The following RBFOX1 variants were observed in gnomAD, a reference collection of about 807,000 sequenced individuals.
The protein encoded by RBFOX1 is RNA binding protein fox-1 homolog 1.
RBFOX1 carries 8 observed loss-of-function variants against 57.7 expected under a neutral mutation model. The ratio of observed to expected loss-of-function variants is 0.14; its 90% CI spans 0.08 to 0.25. RBFOX1 has a LOEUF of 0.25. Ranked by LOEUF, RBFOX1 falls within the 10% of genes least tolerant of loss-of-function variation. RBFOX1 has a pLI of 1.00. For synonymous variants in RBFOX1, 326 were observed against 222.4 expected, an observed-to-expected ratio of 1.47 and a Z score of -4.15; for missense variants, 611 against 548.5, an observed-to-expected ratio of 1.11 and a Z score of -1.14.
chr16:6,381,172 T>C (rs1596371410), intron 2 of RBFOX1, among the ~76,000 whole-genome samples: 2 of 152,282 alleles, frequency 1.3e-5, no homozygotes, highest in East Asian at 3.9e-4. Context: ...ACATTTTCAT[T>C]TTTGTTGCAT....
At chr16:7,486,586 G>C (rs2065458226) in intron 4 of RBFOX1, among the ~76,000 whole-genome samples, 1 of 152,148 alleles carries the variant, frequency 6.6e-6, no homozygotes. Flanking sequence ...TTCAGGGGAA[G>C]GCGAGCAAAG....
At chr16:7,040,784 T>G (rs35515331) in intron 3 of RBFOX1, among the ~76,000 whole-genome samples, 1 of 152,204 alleles carries the variant, frequency 6.6e-6, no homozygotes, top group Admixed American at 6.5e-5. Context: ...CCTGAAATCA[T>G]TCATTTTCTA....
chr16:6,942,602 G>C (rs138925040), intron 3 of RBFOX1, among the ~76,000 whole-genome samples: 1 of 152,168 alleles, frequency 6.6e-6, no homozygotes, highest in African/African-American at 2.4e-5. Context: ...GATCAAGACA[G>C]AGTGGACTTT....
At chr16:7,432,173 G>A (rs2149615567) in intron 4 of RBFOX1, among the ~76,000 whole-genome samples, 1 of 152,330 alleles carries the variant, frequency 6.6e-6, no homozygotes, top group East Asian at 1.9e-4. Flanking sequence ...GGCACCCAGA[G>A]CTTTTGCCTG....
At chr16:7,586,362 C>T (rs369046477) in intron 6 of RBFOX1, among the ~76,000 whole-genome samples, 8 of 152,232 alleles carry the variant, frequency 5.3e-5, no homozygotes, top group African/African-American at 1.4e-4. Context: ...GTTCTAGAGC[C>T]CATACTTCCT....
chr16:6,209,588 A>G (rs542666959), intron 1 of RBFOX1, among the ~76,000 whole-genome samples: 15 of 152,350 alleles, frequency 9.8e-5, no homozygotes, highest in African/African-American at 3.4e-4. Context: ...GAATGAATGA[A>G]TCCACCAATT....
intron 4 of RBFOX1, among the ~76,000 whole-genome samples, chr16:5,910,193 C>T (rs757698391): frequency 1.1e-4 from 17 of 152,224 alleles, no homozygotes; most frequent in Middle Eastern, 6.8e-3. Context: ...AGAATGGTCA[C>T]CAAAGGTTCT....
intron 1 of RBFOX1, among the ~76,000 whole-genome samples, chr16:5,443,608 G>A (rs2068152478): frequency 6.6e-6 from 1 of 152,142 alleles, no homozygotes; most frequent in Non-Finnish European, 1.5e-5. Context: ...CCAAAGTAGT[G>A]GGATTACAGG....
intron 2 of RBFOX1, among the ~76,000 whole-genome samples, chr16:6,647,392 C>T (rs1602606554): frequency 6.6e-6 from 1 of 152,106 alleles, no homozygotes; most frequent in African/African-American, 2.4e-5. Context: ...TTATAGATGC[C>T]CACCACCATG....
chr16:6,525,090 A>C (rs184999773), intron 2 of RBFOX1, among the ~76,000 whole-genome samples: 39 of 152,262 alleles, frequency 2.6e-4, no homozygotes, highest in African/African-American at 8.9e-4. Context: ...CCTCCACCTA[A>C]ATTATCAACA....
chr16:6,710,053 G>A (rs982456153), intron 3 of RBFOX1, among the ~76,000 whole-genome samples: 1 of 152,178 alleles, frequency 6.6e-6, no homozygotes, highest in African/African-American at 2.4e-5. Flanking sequence ...AGATGGGACA[G>A]TGTTGCAAGA....
At chr16:5,694,067 T>G (rs73516385) in intron 3 of RBFOX1, among the ~76,000 whole-genome samples, 5,112 of 152,272 alleles carry the variant, frequency 0.034, 268 homozygotes, top group African/African-American at 0.12. Context: ...CAGCTCTCAT[T>G]TTGCCTCAGA....
At chr16:7,012,733 C>G (rs1051888950) in intron 3 of RBFOX1, among the ~76,000 whole-genome samples, 1 of 152,190 alleles carries the variant, frequency 6.6e-6, no homozygotes, top group Admixed American at 6.5e-5. Flanking sequence ...TGTTGGGAAG[C>G]TGTGCACACT....
At chr16:5,456,031 GA>G (rs150165659) in intron 1 of RBFOX1, among the ~76,000 whole-genome samples, 5,852 of 151,344 alleles carry the variant, frequency 0.039, 337 homozygotes, top group African/African-American at 0.12. Context: ...TGTGCAATGT[GA>G]AAAAAATTGG....
At chr16:5,924,507 C>T (rs751451175) in intron 4 of RBFOX1, among the ~76,000 whole-genome samples, 2 of 152,082 alleles carry the variant, frequency 1.3e-5, no homozygotes, top group Non-Finnish European at 2.9e-5. Context: ...GAGCCTGGCA[C>T]CTTCTCCCTC....
At chr16:5,566,458 G>A (rs561034186) in intron 2 of RBFOX1, among the ~76,000 whole-genome samples, 1 of 152,240 alleles carries the variant, frequency 6.6e-6, no homozygotes, top group South Asian at 2.1e-4. Context: ...GGAGTTTAAT[G>A]TGTAGAACCC....
At chr16:5,444,631 AG>A (rs1355733599) in intron 1 of RBFOX1, among the ~76,000 whole-genome samples, 1 of 152,106 alleles carries the variant, frequency 6.6e-6, no homozygotes, top group Non-Finnish European at 1.5e-5. Flanking sequence ...ATGTCTCTGG[AG>A]CTAGTGGCAT....
At chr16:7,569,119 G>T (rs188623945) in intron 5 of RBFOX1, among the ~76,000 whole-genome samples, 1 of 152,070 alleles carries the variant, frequency 6.6e-6, no homozygotes, top group African/African-American at 2.4e-5. Context: ...TCTAAAACAG[G>T]ACCGTCCCAT....
intron 4 of RBFOX1, among the ~76,000 whole-genome samples, chr16:7,440,348 A>C (rs893075132): frequency 6.6e-6 from 1 of 152,172 alleles, no homozygotes; most frequent in Non-Finnish European, 1.5e-5. Context: ...GATTGTTTTT[A>C]AGGTAAGCTT....
Sources: gnomAD v4.1 joint callset for allele counts (sites outside exome capture counted in the v4.1 genomes callset) on GRCh38, gnomAD v4.1.1 for gene constraint, MANE v1.5 for transcripts, NCBI Gene and HGNC (gene_info 2026-07-23, HGNC 2026-07-21) for gene names.